LHFPL3: variants seen among roughly 807,000 people sequenced by gnomAD.
The protein encoded by LHFPL3 is LHFPL tetraspan subfamily member 3 protein.
In LHFPL3, 5 loss-of-function variants were observed where a neutral mutation model predicts 19.3. The ratio of observed to expected loss-of-function variants is 0.26; its 90% CI spans 0.14 to 0.54. The LOEUF is 0.54. LHFPL3 is among the 20% of genes least tolerant of loss of function. LHFPL3 has a pLI of 0.94. For missense variants in LHFPL3, 249 were observed against 307.4 expected (o/e 0.81, Z 1.42); for synonymous variants, 133 against 126.2 (o/e 1.05, Z -0.36).
chr7:104,572,770 A>G (rs956615628), intron 1 of LHFPL3, among the ~76,000 whole-genome samples: 1 of 152,150 alleles, frequency 6.6e-6, no homozygotes, highest in African/African-American at 2.4e-5. Flanking sequence ...TAGGCATTTT[A>G]GGGTCCACAT....
chr7:104,558,693 A>G (rs1789917346), intron 1 of LHFPL3, among the ~76,000 whole-genome samples: 1 of 150,716 alleles, frequency 6.6e-6, no homozygotes, highest in African/African-American at 2.5e-5. Flanking sequence ...ATTAGATCCC[A>G]TTTGTTAATT....
At chr7:104,557,764 G>A (rs1789878160) in intron 1 of LHFPL3, among the ~76,000 whole-genome samples, 1 of 150,570 alleles carries the variant, frequency 6.6e-6, no homozygotes, top group Non-Finnish European at 1.5e-5. Context: ...TGCCATGCTG[G>A]TGCGCTGCAC....
At chr7:104,333,240 C>A (rs1801604227) in intron 1 of LHFPL3, among the ~76,000 whole-genome samples, 1 of 152,108 alleles carries the variant, frequency 6.6e-6, no homozygotes, top group Admixed American at 6.5e-5. Context: ...ATGTGTTCAC[C>A]ATATTAGGCC....
rs761660854 is a variant in LHFPL3 at position 104,328,750 on chromosome 7, AGGAGG to A, written c.-29_-25del. The A allele has an allele frequency of 3.2e-5, 32 of 1,015,420 alleles. No homozygotes were observed. Among genetic ancestry groups the A allele is most frequent in the Admixed American group, 6.0e-5 (1 of 16,530 alleles). 62.9% of individuals were successfully genotyped at this position (1,015,420 alleles called of 1,614,324 possible). On this transcript the variant is annotated 5_prime_UTR_variant, in exon 1 of 3. Transcript: ENST00000424859. The surrounding 1 kb of genome is among the most constrained non-coding windows in gnomAD (Gnocchi z 4.6). The stretch of plus-strand genomic sequence containing the variant: ...AGGCGGGGGGAGGCGGAGGACCAGG[AGGAGG>A]AGGAGGAGGAGGAGGAGGGGGAGAA...
At chr7:104,562,367 A>G (rs1790023510) in intron 1 of LHFPL3, among the ~76,000 whole-genome samples, 1 of 152,160 alleles carries the variant, frequency 6.6e-6, no homozygotes, top group Non-Finnish European at 1.5e-5. Flanking sequence ...TAGTTCTTGG[A>G]GGCTTTGCTC....
At chr7:104,513,307 C>T (rs944487079) in intron 1 of LHFPL3, among the ~76,000 whole-genome samples, 2 of 152,118 alleles carry the variant, frequency 1.3e-5, no homozygotes, top group Admixed American at 1.3e-4. Context: ...ATATGACTTA[C>T]TTGTGCAGAA....
intron 1 of LHFPL3, among the ~76,000 whole-genome samples, chr7:104,691,194 C>A (rs912891380): frequency 2.6e-5 from 4 of 152,218 alleles, no homozygotes; most frequent in South Asian, 2.1e-4. Context: ...GGGTTGTACA[C>A]AGCAGCATTC....
chr7:104,535,646 TG>T (rs1794376700), intron 1 of LHFPL3, among the ~76,000 whole-genome samples: 1 of 152,166 alleles, frequency 6.6e-6, no homozygotes, highest in African/African-American at 2.4e-5. Flanking sequence ...AACTGTGATT[TG>T]TTGTTTGGCA....
chr7:104,689,119 A>G (rs1232411956), intron 1 of LHFPL3, among the ~76,000 whole-genome samples: 12 of 152,216 alleles, frequency 7.9e-5, no homozygotes, highest in Non-Finnish European at 1.5e-5. Context: ...GAGGGGGAGA[A>G]CCTGCATCCT....
chr7:104,629,431 G>T (rs896358332), intron 1 of LHFPL3, among the ~76,000 whole-genome samples: 1 of 152,036 alleles, frequency 6.6e-6, no homozygotes, highest in Non-Finnish European at 1.5e-5. Flanking sequence ...GTTTCTGAGG[G>T]CTACAAGCCA....
intron 1 of LHFPL3, among the ~76,000 whole-genome samples, chr7:104,352,371 C>T (rs528612284): frequency 3.6e-4 from 55 of 152,104 alleles, no homozygotes; most frequent in African/African-American, 1.3e-3. Flanking sequence ...TAGAATACTA[C>T]CAAGTATGTA....
chr7:104,633,569 G>A (rs764017111), intron 1 of LHFPL3, among the ~76,000 whole-genome samples: 82 of 152,090 alleles, frequency 5.4e-4, no homozygotes, highest in African/African-American at 6.3e-4. Context: ...AAATCACCTC[G>A]GCTTGCCATT....
intron 1 of LHFPL3, among the ~76,000 whole-genome samples, chr7:104,497,388 AAC>A (rs898554341): frequency 2.0e-5 from 3 of 152,094 alleles, no homozygotes; most frequent in Admixed American, 1.3e-4. Context: ...TTTTAATTTA[AAC>A]ACACACACAT....
At chr7:104,482,569 C>T (rs957277648) in intron 1 of LHFPL3, among the ~76,000 whole-genome samples, 4 of 152,176 alleles carry the variant, frequency 2.6e-5, no homozygotes, top group Non-Finnish European at 5.9e-5. Context: ...TTTGTCCCTA[C>T]ATCAATGTGT....
intron 1 of LHFPL3, among the ~76,000 whole-genome samples, chr7:104,642,701 C>G (rs937276500): frequency 6.6e-6 from 1 of 152,186 alleles, no homozygotes; most frequent in African/African-American, 2.4e-5. Flanking sequence ...CTTCCCATAG[C>G]CTGGGCCCCC....
intron 1 of LHFPL3, among the ~76,000 whole-genome samples, chr7:104,675,545 A>G (rs1413739541): frequency 1.3e-5 from 2 of 152,204 alleles, no homozygotes; most frequent in African/African-American, 4.8e-5. Flanking sequence ...GGTGCAGGGA[A>G]CAAAGGCTAA....
chr7:104,486,615 G>A (rs1289589727), intron 1 of LHFPL3, among the ~76,000 whole-genome samples: 3 of 152,154 alleles, frequency 2.0e-5, no homozygotes, highest in Non-Finnish European at 4.4e-5. Context: ...CCTGGGATTA[G>A]GATTTCAGTG....
chr7:104,388,527 A>G (rs1790995135), intron 1 of LHFPL3, among the ~76,000 whole-genome samples: 1 of 152,124 alleles, frequency 6.6e-6, no homozygotes, highest in Non-Finnish European at 1.5e-5. Flanking sequence ...AAAAACGAAC[A>G]CTTCCCAACT....
At chr7:104,560,826 T>C (rs1789978217) in intron 1 of LHFPL3, among the ~76,000 whole-genome samples, 1 of 150,262 alleles carries the variant, frequency 6.7e-6, no homozygotes, top group Admixed American at 6.6e-5. Flanking sequence ...TTTAGTGCTA[T>C]AAATTTCCCT....
Sources: allele counts gnomAD v4.1 joint callset (sites outside exome capture counted in the v4.1 genomes callset), GRCh38; gene constraint gnomAD v4.1.1; non-coding constraint Gnocchi (gnomAD v3.1); transcripts MANE v1.5; gene names NCBI Gene and HGNC (gene_info 2026-07-23, HGNC 2026-07-21).